Variants in TPO observed in about 807,000 individuals in gnomAD.
TPO encodes the protein thyroid microsomal antigen.
Under a neutral mutation model 96.9 loss-of-function variants are expected in TPO, and 78 were observed. That is an observed-to-expected ratio of 0.81 (90% CI 0.67 to 0.97). The LOEUF is 0.97. TPO is among the 50% of genes least tolerant of loss of function. The pLI, the probability that TPO is intolerant of heterozygous loss-of-function variation, is 0.00. For synonymous variants in TPO, 547 were observed against 538.0 expected (o/e 1.02, Z -0.23); for missense variants, 1,252 against 1,274.8 (o/e 0.98, Z 0.27).
Position 1,398,977 on chromosome 2 carries a change from A to T in TPO, n.180+24575A>T, listed in dbSNP as rs1662125889. On this transcript the variant is annotated intron_variant and non_coding_transcript_variant, in intron 1 of 5. Coordinates refer to the TPO transcript ENST00000497517. ...GGGCTCTCCCTGCAGCCAGGCCCTC[A>T]CCTCCTCTGCAAGCCACGCTCACAT... Among the ~76,000 whole-genome samples the T allele has an allele frequency of 5.3e-5, 8 of 151,998 alleles. No individual in the cohort carries two copies. In the South Asian group the frequency reaches 1.2e-3, roughly 24 times the overall value.
chr2:1,483,694 C>T (rs890002138), intron 8 of TPO, among the ~76,000 whole-genome samples: 2 of 152,188 alleles, frequency 1.3e-5, no homozygotes, highest in Non-Finnish European at 2.9e-5. Context: ...CACTGGGAAA[C>T]ATTTGGATGC....
At chr2:1,380,489 A>T (rs527236638) in intron 1 of TPO, among the ~76,000 whole-genome samples, 40 of 150,206 alleles carry the variant, frequency 2.7e-4, no homozygotes, top group South Asian at 1.5e-3. Flanking sequence ...ATTATATTCT[A>T]AAAAAAAATT....
intron 3 of TPO, among the ~76,000 whole-genome samples, chr2:1,425,198 A>T (rs1246194407): frequency 2.6e-5 from 4 of 151,308 alleles, no homozygotes; most frequent in African/African-American, 9.7e-5. Flanking sequence ...CTCCTTCTGT[A>T]AAGTCATGTT....
Position 1,513,805 on chromosome 2 carries a change from C to T in TPO, c.2519-3078C>T, listed in dbSNP as rs893993266. On this transcript the variant is annotated intron_variant, in intron 14 of 16. Transcript: ENST00000329066. ...AGTTATACTGATTTAGATATAGATA[C>T]TGATTGTGGGTATATATAGTTTTAG... Among the ~76,000 whole-genome samples the T allele has an allele frequency of 2.0e-5, 3 of 151,878 alleles. No individual in the cohort carries two copies. In the South Asian group the frequency reaches 6.2e-4, roughly 32 times the overall value.
chr2:1,421,878 C>A (rs75334209), intron 2 of TPO, among the ~76,000 whole-genome samples: 1 of 152,210 alleles, frequency 6.6e-6, no homozygotes, highest in Non-Finnish European at 1.5e-5. Flanking sequence ...CCAGCACGCA[C>A]ACATTGGCGT....
At chr2:1,482,982 A>G (rs1670789883) in intron 8 of TPO, among the ~76,000 whole-genome samples, 1 of 152,194 alleles carries the variant, frequency 6.6e-6, no homozygotes, top group Non-Finnish European at 1.5e-5. Flanking sequence ...CGCCTGACTC[A>G]AGATTCAAGT....
chr2:1,484,459 G>A, intron 8 of TPO, 137 bp from the exon 9 acceptor site: 1 of 1,121,110 alleles, frequency 8.9e-7, no homozygotes, highest in Non-Finnish European at 1.3e-6. Flanking sequence ...GGGAAGTTCA[G>A]CTGAGGCCCT....
chr2:1,375,319 G>A (rs1403105266), intron 1 of TPO, among the ~76,000 whole-genome samples: 1 of 152,042 alleles, frequency 6.6e-6, no homozygotes, highest in African/African-American at 2.4e-5. Context: ...TTACAGTATT[G>A]TAAGCCAAAA....
chr2:1,496,888 G>C lies in TPO; in HGVS notation c.2386+123G>C, dbSNP rs1468827461. Reference sequence around the variant, plus strand: ...TTCTGAAACTGTTATCTTCCCAGGAGCAATCTGGGGATAGAAAGCAAGGGC... The same window carrying C: ...TTCTGAAACTGTTATCTTCCCAGGACCAATCTGGGGATAGAAAGCAAGGGC... On this transcript the variant is annotated intron_variant, in intron 13 of 16. Transcript: ENST00000329066. The C allele has an allele frequency of 4.8e-6, 7 of 1,443,666 alleles. No homozygotes were observed. In the African/African-American group the frequency reaches 8.4e-5, roughly 17 times the overall value. The allele number at this position is 1,443,666 out of a possible 1,614,324, so 89.4% of individuals were successfully genotyped here. A position where few individuals can be genotyped will look rare whatever the true frequency, so the allele number is the denominator to read the frequency against.
intron 15 of TPO, among the ~76,000 whole-genome samples, chr2:1,524,959 TC>T (rs1197277768): frequency 5.4e-5 from 4 of 73,930 alleles, no homozygotes; most frequent in Non-Finnish European, 1.0e-4. Context: ...CTGTGCAACC[TC>T]CCCAAATCCC....
At chr2:1,460,435 G>A (rs747375748) in intron 7 of TPO, among the ~76,000 whole-genome samples, 1 of 152,146 alleles carries the variant, frequency 6.6e-6, no homozygotes, top group Non-Finnish European at 1.5e-5. Context: ...CAGTGGAGAT[G>A]GGCACCTATT....
chr2:1,504,584 C>A (rs1334765822), intron 14 of TPO, among the ~76,000 whole-genome samples: 1 of 152,204 alleles, frequency 6.6e-6, no homozygotes, highest in Non-Finnish European at 1.5e-5. Context: ...CTTGTCCAGT[C>A]CCCCAGCTCT....
intron 4 of TPO, among the ~76,000 whole-genome samples, chr2:1,433,918 T>A (rs1043664095): frequency 1.3e-5 from 2 of 152,186 alleles, no homozygotes; most frequent in African/African-American, 4.8e-5. Flanking sequence ...ATAGCCCCCC[T>A]CTTAGTTAAA....
rs1271709481 is a variant in TPO at position 1,543,018 on chromosome 2, T to C, written c.*544T>C. The C allele has an allele frequency of 1.8e-4, 37 of 202,302 alleles. 1 individual carries two copies. The Admixed American group carries it at 2.0e-3, about 11-fold the overall frequency. 12.5% of individuals were successfully genotyped at this position (202,302 alleles called of 1,614,324 possible). ...CAACAAGGCAAAGTGACTTGTCTCA[T>C]CCTCCAGAGATTCACCAACACATGA... is the stretch of plus-strand genomic sequence containing the variant. On this transcript the variant is annotated 3_prime_UTR_variant, in exon 17 of 17. Transcript: ENST00000329066.
rs559324657 is a variant in TPO, at chr2:1,511,127, G to T, written c.2519-5756G>T. Among the ~76,000 whole-genome samples, 9 of 152,336 alleles carry T rather than the reference G, an allele frequency of 5.9e-5. No homozygotes were observed. The South Asian group carries it at 1.7e-3, about 28-fold the overall frequency. ...TTTGCAGTGTTTTGTTCCTAACGTT[G>T]CGGTTAAAGGAACTGTATTCATTTC... On this transcript the variant is annotated intron_variant, in intron 14 of 16. Coordinates refer to ENST00000329066, the MANE Select transcript of TPO (RefSeq NM_001206744.2).
rs536784761 is a variant in TPO, at chr2:1,377,242, T to C, written n.180+2840T>C. On this transcript the variant is annotated intron_variant and non_coding_transcript_variant, in intron 1 of 5. Coordinates refer to the TPO transcript ENST00000497517. ...CTTTAGATCAGCACCTCTGGTTATT[T>C]TTCAGCTTGACTTACACAGAAGAAA... 3.3e-5 allele frequency among the ~76,000 whole-genome samples: 5 copies of C among 152,334 alleles called. No individual in the cohort carries two copies. In the East Asian group the frequency reaches 9.6e-4, roughly 29 times the overall value.
intron 13 of TPO, among the ~76,000 whole-genome samples, chr2:1,501,270 C>T (rs115875992): frequency 0.016 from 2,490 of 152,358 alleles, 35 homozygotes; most frequent in African/African-American, 0.032. Context: ...GTGGACACCA[C>T]GGCCACTCTT....
In TPO at chr2:1,532,014, C is replaced by A. The variant is rs560048693; in HGVS notation, c.2619-8580C>A. Among the ~76,000 whole-genome samples, 5 of 81,954 alleles carry A rather than the reference C, an allele frequency of 6.1e-5. 1 individual carries two copies. The highest frequency in any genetic ancestry group is 1.1e-4 in the Non-Finnish European group (4 of 37,478). The allele number at this position is 81,954 out of a possible 152,430, so 53.8% of individuals were successfully genotyped here. A position where few individuals can be genotyped will look rare whatever the true frequency, so the allele number is the denominator to read the frequency against. ...CTCCCAAAATCTCCCCTATTGTGTG[C>A]AACGTCCTCAAATCCCCTCACTGTG... On this transcript the variant is annotated intron_variant, in intron 15 of 16. Coordinates refer to ENST00000329066, the MANE Select transcript of TPO (RefSeq NM_001206744.2).
chr2:1,522,931 C>T (rs1179857393), intron 15 of TPO, among the ~76,000 whole-genome samples: 13 of 149,938 alleles, frequency 8.7e-5, no homozygotes, highest in Non-Finnish European at 1.6e-4. Flanking sequence ...CAAATCCCCT[C>T]CACTCTGTGT....
Sources: gnomAD v4.1 joint callset for allele counts (sites outside exome capture counted in the v4.1 genomes callset) on GRCh38, gnomAD v4.1.1 for gene constraint, MANE v1.5 for transcripts, NCBI Gene and HGNC (gene_info 2026-07-23, HGNC 2026-07-21) for gene names.